Variants in PARP8 observed in about 807,000 individuals in gnomAD.
The protein encoded by PARP8 is poly(ADP-ribose) polymerase family member 8, also known as protein mono-ADP-ribosyltransferase PARP8.
PARP8 carries 51 observed loss-of-function variants against 124.1 expected under a neutral mutation model. The observed-to-expected ratio is 0.41, with a 90% confidence interval of 0.33 to 0.52. PARP8 has a LOEUF of 0.52. Ranked by LOEUF, PARP8 falls within the 20% of genes least tolerant of loss-of-function variation. The pLI is 0.21. For synonymous variants in PARP8, 391 were observed against 361.5 expected, an observed-to-expected ratio of 1.08 and a Z score of -0.93; for missense variants, 860 against 1,018.9, an observed-to-expected ratio of 0.84 and a Z score of 2.12.
At chr5:50,786,925 T>A (rs1350351805) in intron 9 of PARP8, among the ~76,000 whole-genome samples, 1 of 152,142 alleles carries the variant, frequency 6.6e-6, no homozygotes, top group Non-Finnish European at 1.5e-5. Context: ...CTTCTCCAAT[T>A]GCCTTCTTAA....
chr5:50,826,040 C>T (rs1746313982), intron 18 of PARP8, among the ~76,000 whole-genome samples: 1 of 151,894 alleles, frequency 6.6e-6, no homozygotes, highest in African/African-American at 2.4e-5. Context: ...AAATTTTTCT[C>T]ATTGTTATAT....
Position 50,755,977 on chromosome 5 carries a change from CTGTT to C in PARP8, c.185-3662_185-3659del, listed in dbSNP as rs1383612394. 4.6e-5 allele frequency among the ~76,000 whole-genome samples: 7 copies of C among 152,136 alleles called. No individual in the cohort carries two copies. The South Asian group carries it at 8.3e-4, about 18-fold the overall frequency. ...GGGAGTTCACTCATGATTTGGCTCT[CTGTT>C]TGTCTGTTATTGGTGTATAAGAATG... is the stretch of plus-strand genomic sequence containing the variant. On this transcript the variant is annotated intron_variant, in intron 3 of 25. Transcript: ENST00000281631.
At chr5:50,696,686 A>G (rs1753063349) in intron 2 of PARP8, among the ~76,000 whole-genome samples, 1 of 151,988 alleles carries the variant, frequency 6.6e-6, no homozygotes, top group African/African-American at 2.4e-5. Flanking sequence ...CTTAACTGAC[A>G]TCACTTTCTC....
intron 10 of PARP8, among the ~76,000 whole-genome samples, chr5:50,792,202 T>C (rs1422418266): frequency 6.6e-6 from 1 of 152,178 alleles, no homozygotes; most frequent in African/African-American, 2.4e-5. Flanking sequence ...GCCAGCACAA[T>C]AGTAAACACA....
intron 2 of PARP8, among the ~76,000 whole-genome samples, chr5:50,742,156 T>C (rs1201552757): frequency 3.3e-5 from 5 of 152,240 alleles, no homozygotes; most frequent in African/African-American, 1.2e-4. Flanking sequence ...GTCTTCATGT[T>C]GAGTGGTTCC....
intron 14 of PARP8, among the ~76,000 whole-genome samples, chr5:50,809,220 G>T (rs1261963383): frequency 6.6e-6 from 1 of 151,998 alleles, no homozygotes; most frequent in Non-Finnish European, 1.5e-5. Context: ...CTGAATGTGT[G>T]TCTTGACCAC....
intron 2 of PARP8, chr5:50,744,877 G>T: frequency 1.5e-6 from 1 of 669,182 alleles, no homozygotes. Flanking sequence ...AATATTTTCT[G>T]CCTGCTACAT....
chr5:50,824,968 C>G lies in PARP8; in HGVS notation c.1921C>G (p.Leu641Val). 1 of 1,609,908 alleles carries G rather than the reference C, an allele frequency of 6.2e-7. No homozygotes were observed. Among genetic ancestry groups the G allele is most frequent in the Non-Finnish European group, 8.5e-7 (1 of 1,176,440 alleles). Residue 641 changes from leucine (L) to valine (V), a missense_variant, in exon 18 of 26, where the codon CTG (leucine) becomes GTG (valine). Leu to Val is a conservative substitution (Grantham distance 32, BLOSUM62 1). Around this residue, in one of 2 missense-constraint regions of PARP8, gnomAD observed 343 missense variants for 474.7 expected, o/e 0.72. Coordinates refer to ENST00000281631, the MANE Select transcript of PARP8 (RefSeq NM_024615.4). ...DKQDPLAHPL[L>V]QWVISSNRSH... Reference sequence around the variant, plus strand: ...ACAGGACCCCCTTGCTCATCCCTTACTGCAATGGTATAAAATTCTAGTTTT... The same window carrying G: ...ACAGGACCCCCTTGCTCATCCCTTAGTGCAATGGTATAAAATTCTAGTTTT...
chr5:50,718,400 AAAACC>A (rs1388455653), intron 2 of PARP8, among the ~76,000 whole-genome samples: 1 of 151,946 alleles, frequency 6.6e-6, no homozygotes, highest in Admixed American at 6.6e-5. Context: ...AACTGCTTTT[AAAACC>A]ATGGAGAAAG....
intron 9 of PARP8, among the ~76,000 whole-genome samples, chr5:50,785,773 C>T (rs1386301254): frequency 6.6e-6 from 1 of 152,158 alleles, no homozygotes; most frequent in African/African-American, 2.4e-5. Flanking sequence ...TAGTGGCCAA[C>T]AGGGGATACC....
chr5:50,717,061 A>T (rs965032776), intron 2 of PARP8, among the ~76,000 whole-genome samples: 2 of 152,114 alleles, frequency 1.3e-5, no homozygotes, highest in Non-Finnish European at 2.9e-5. Context: ...TTTGGATTTT[A>T]TTCTAACTAT....
chr5:50,843,366 A>G lies in PARP8; in HGVS notation c.*1298A>G, dbSNP rs1473196969. 1 of 150,704 alleles carries G rather than the reference A, an allele frequency of 6.6e-6. No homozygotes were observed. 9.3% of individuals were successfully genotyped at this position (150,704 alleles called of 1,614,324 possible). A position where few individuals can be genotyped will look rare whatever the true frequency, so the allele number is the denominator to read the frequency against. On this transcript the variant is annotated 3_prime_UTR_variant, in exon 26 of 26. Coordinates refer to ENST00000281631, the MANE Select transcript of PARP8 (RefSeq NM_024615.4). ...TGAATCAAGGCTCTATCTGATTTTAATTTATGTAAAAAAAAATAAAAATGT... is the reference window on the plus strand; with the variant it reads ...TGAATCAAGGCTCTATCTGATTTTAGTTTATGTAAAAAAAAATAAAAATGT...
At chr5:50,716,388 G>C (rs1755322277) in intron 2 of PARP8, among the ~76,000 whole-genome samples, 1 of 152,084 alleles carries the variant, frequency 6.6e-6, no homozygotes, top group Non-Finnish European at 1.5e-5. Flanking sequence ...GTAGGAAGGT[G>C]CTCTGCTGAG....
At chr5:50,745,396 T>C (rs764838931) in intron 2 of PARP8, among the ~76,000 whole-genome samples, 3 of 152,230 alleles carry the variant, frequency 2.0e-5, no homozygotes, top group Non-Finnish European at 4.4e-5. Context: ...CCTGCTGTTA[T>C]GTGTCTGGCA....
chr5:50,769,912 G>A (rs62365480), intron 7 of PARP8, among the ~76,000 whole-genome samples: 20 of 152,100 alleles, frequency 1.3e-4, no homozygotes, highest in Middle Eastern at 3.4e-3. Flanking sequence ...ATCAGAAAAA[G>A]TAGGCATATG....
intron 2 of PARP8, among the ~76,000 whole-genome samples, chr5:50,747,864 C>T (rs1473684566): frequency 6.7e-6 from 1 of 150,136 alleles, no homozygotes; most frequent in Non-Finnish European, 1.5e-5. Context: ...GCTCCGCCTC[C>T]CGGGTTCACG....
In PARP8 at chr5:50,828,376, C is replaced by T. The variant is rs765342250; in HGVS notation, c.2155C>T (p.Arg719Ter). 1.9e-6 allele frequency: 3 copies of T among 1,611,758 alleles called. No individual in the cohort carries two copies. Among genetic ancestry groups the T allele is most frequent in the Non-Finnish European group, 1.7e-6 (2 of 1,178,192 alleles). The part of the protein sequence containing the change: ...RNGLVVASNT[R>*]LQLHGAMYGS... Reference sequence around the variant, plus strand: ...TGGTCTGGTTGTTGCTTCTAATACACGATTGCAGGTAGATTTTCTGAATGC... The same window carrying T: ...TGGTCTGGTTGTTGCTTCTAATACATGATTGCAGGTAGATTTTCTGAATGC... Residue 719 changes from arginine to a stop codon, truncating the protein, a stop_gained, in exon 21 of 26, where the codon CGA becomes TGA. Transcript: ENST00000281631. LOFTEE classifies it high-confidence loss of function.
chr5:50,739,735 T>TTC (rs1757849427), intron 2 of PARP8, among the ~76,000 whole-genome samples: 1 of 122,296 alleles, frequency 8.2e-6, no homozygotes, highest in Non-Finnish European at 1.6e-5. Context: ...TATATATATT[T>TTC]TTTTTTTTTT....
intron 9 of PARP8, among the ~76,000 whole-genome samples, chr5:50,787,243 G>A (rs149737795): frequency 1.7e-3 from 263 of 152,204 alleles, no homozygotes; most frequent in Non-Finnish European, 2.7e-3. Context: ...ATAAGTTCCT[G>A]ACTGATTTTC....
Sources: allele counts gnomAD v4.1 joint callset (sites outside exome capture counted in the v4.1 genomes callset), GRCh38; gene constraint gnomAD v4.1.1; regional missense constraint gnomAD v4.1.1; transcripts MANE v1.5; gene names NCBI Gene and HGNC (gene_info 2026-07-23, HGNC 2026-07-21).